Variants in ANKH observed in about 807,000 individuals in gnomAD.
ANKH encodes the protein mineralization regulator ANKH.
In ANKH, 15 loss-of-function variants were observed where a neutral mutation model predicts 49.0. That is an observed-to-expected ratio of 0.31 (90% confidence interval 0.20 to 0.47). The LOEUF is 0.47. Among genes scored for constraint, ANKH ranks in the 20% least tolerant of loss-of-function variants. The pLI is 1.00. For missense variants in ANKH, 429 were observed against 652.0 expected (o/e 0.66, Z 3.72); for synonymous variants, 273 against 260.0 (o/e 1.05, Z -0.48).
At chr5:14,848,775 C>T (rs1274795153) in intron 1 of ANKH, among the ~76,000 whole-genome samples, 2 of 152,362 alleles carry the variant, frequency 1.3e-5, no homozygotes, top group East Asian at 3.9e-4. Context: ...ATAACACTCA[C>T]CGCATGGCCC....
At position 14,737,480 on chromosome 5, in the gene ANKH, C is replaced by T. The variant is rs1738223347; in HGVS notation, c.1011+4347G>A. Reference sequence around the variant, plus strand: ...GGAGTGTCTACCTAGAGAAGCACAGCCTTTTAGGGCACACTCACTGTCACT... The same window carrying T: ...GGAGTGTCTACCTAGAGAAGCACAGTCTTTTAGGGCACACTCACTGTCACT... On this transcript the variant is annotated intron_variant, in intron 8 of 11. Transcript: ENST00000284268. This position sits in a 1 kb window ranked among gnomAD's most constrained non-coding sequence, Gnocchi z 5.0. Among the ~76,000 whole-genome samples the T allele has an allele frequency of 6.6e-6, 1 of 152,174 alleles. No individual in the cohort carries two copies. The highest frequency in any genetic ancestry group is 1.5e-5 in the Non-Finnish European group (1 of 68,024).
intron 6 of ANKH, 114 bp downstream of exon 6, chr5:14,749,058 T>A: frequency 6.9e-7 from 1 of 1,445,862 alleles, no homozygotes. Flanking sequence ...GACTGTCATG[T>A]AATTTAATAT....
Position 14,711,057 on chromosome 5 carries a change from C to G in ANKH, c.*140G>C. ...TACCCAGTATGCTAGAGAATTGACA[C>G]GAAACCTTTAAATCAAGGCCTCTTT... On this transcript the variant is annotated 3_prime_UTR_variant, in exon 12 of 12. Coordinates refer to ENST00000284268, the MANE Select transcript of ANKH (RefSeq NM_054027.6). 1 of 785,620 alleles carries G rather than the reference C, an allele frequency of 1.3e-6. No individual in the cohort carries two copies. The highest frequency in any genetic ancestry group is 1.4e-5 in the South Asian group (1 of 72,176). The allele number at this position is 785,620 out of a possible 1,614,324, so 48.7% of individuals were successfully genotyped here.
chr5:14,830,220 G>A (rs1741462313), intron 1 of ANKH, among the ~76,000 whole-genome samples: 1 of 152,206 alleles, frequency 6.6e-6, no homozygotes, highest in Non-Finnish European at 1.5e-5. Flanking sequence ...ATTTGAGGCT[G>A]CCTTTCAAAA....
chr5:14,816,798 C>T (rs893108005), intron 1 of ANKH, among the ~76,000 whole-genome samples: 4 of 152,080 alleles, frequency 2.6e-5, no homozygotes, highest in African/African-American at 7.2e-5. Context: ...CTGCAAGCCA[C>T]GAGCTTTGGC....
At chr5:14,726,698 T>A (rs1342416499) in intron 8 of ANKH, among the ~76,000 whole-genome samples, 11 of 152,094 alleles carry the variant, frequency 7.2e-5, no homozygotes, top group Admixed American at 7.2e-4. Context: ...CCAAATGGAA[T>A]GACATGGAAT....
chr5:14,754,839 G>A (rs1738828101), intron 4 of ANKH, among the ~76,000 whole-genome samples: 1 of 152,108 alleles, frequency 6.6e-6, no homozygotes, highest in African/African-American at 2.4e-5. Context: ...ACTTTGGGAG[G>A]CCGAGGTGGG....
At position 14,794,394 on chromosome 5, in the gene ANKH, G is replaced by A. The variant is rs532598332; in HGVS notation, c.97-25203C>T. 1.2e-4 allele frequency among the ~76,000 whole-genome samples: 18 copies of A among 152,376 alleles called. No homozygotes were observed. In the East Asian group the frequency reaches 3.3e-3, roughly 28 times the overall value. ...GCAGAGAGGGGCCCTGGCCGTGAAC[G>A]TGGGCTAAAGACAGCTCGGGGAGCA... On this transcript the variant is annotated intron_variant, in intron 1 of 11. Coordinates refer to ENST00000284268, the MANE Select transcript of ANKH (RefSeq NM_054027.6).
intron 1 of ANKH, chr5:14,797,689 G>A: frequency 3.1e-6 from 5 of 1,598,498 alleles, no homozygotes; most frequent in Non-Finnish European, 4.3e-6. Flanking sequence ...GACTCACAGA[G>A]TAGATGCCAG....
intron 1 of ANKH, chr5:14,870,595 C>G (rs1735784208): frequency 6.5e-6 from 1 of 152,842 alleles, no homozygotes; most frequent in Admixed American, 6.5e-5. Context: ...GGTGGCCCTG[C>G]CAAAACGGTC....
chr5:14,713,277 A>T lies in ANKH; in HGVS notation c.1265+267T>A, dbSNP rs920254401. On this transcript the variant is annotated intron_variant, in intron 10 of 11. Coordinates refer to ENST00000284268, the MANE Select transcript of ANKH (RefSeq NM_054027.6). The surrounding 1 kb of genome is among the most constrained non-coding windows in gnomAD (Gnocchi z 4.4). ...TTCTCTTCTGGTTTTCATGTCCAGC[A>T]TACGTTCAAGCCCGTGCAGGGCCGG... Among the ~76,000 whole-genome samples the T allele has an allele frequency of 6.6e-6, 1 of 152,132 alleles. No individual in the cohort carries two copies. Among genetic ancestry groups the T allele is most frequent in the Admixed American group, 6.5e-5 (1 of 15,286 alleles).
rs60884804 is a variant in ANKH, at chr5:14,793,034, A to AT, written c.97-23844_97-23843insA. Among the ~76,000 whole-genome samples the AT allele has an allele frequency of 1.2e-4, 9 of 75,018 alleles. No individual in the cohort carries two copies. The South Asian group carries it at 1.6e-3, about 13-fold the overall frequency. 49.2% of individuals were successfully genotyped at this position (75,018 alleles called of 152,430 possible). A position where few individuals can be genotyped will look rare whatever the true frequency, so the allele number is the denominator to read the frequency against. Reference sequence around the variant, plus strand: ...TATATATATATAAATATATATATATAAAAATATATATATAAATATATATAA... The same window carrying AT: ...TATATATATATAAATATATATATATATAAAATATATATATAAATATATATAA... On this transcript the variant is annotated intron_variant, in intron 1 of 11. Transcript: ENST00000284268.
chr5:14,774,657 CTGTT>C (rs1173263027), intron 1 of ANKH, among the ~76,000 whole-genome samples: 2 of 152,128 alleles, frequency 1.3e-5, no homozygotes, highest in African/African-American at 4.8e-5. Flanking sequence ...TTATCTGTCT[CTGTT>C]TGCTCACCCT....
chr5:14,850,046 G>A (rs374912462), intron 1 of ANKH, among the ~76,000 whole-genome samples: 1 of 152,142 alleles, frequency 6.6e-6, no homozygotes, highest in Admixed American at 6.5e-5. Flanking sequence ...CACATAAAAG[G>A]TATGTTTTTG....
chr5:14,848,773 C>T (rs1742041963), intron 1 of ANKH, among the ~76,000 whole-genome samples: 1 of 152,224 alleles, frequency 6.6e-6, no homozygotes, highest in Admixed American at 6.5e-5. Context: ...CTATAACACT[C>T]ACCGCATGGC....
At chr5:14,807,932 T>C (rs1016912265) in intron 1 of ANKH, among the ~76,000 whole-genome samples, 1 of 152,252 alleles carries the variant, frequency 6.6e-6, no homozygotes, top group Admixed American at 6.5e-5. Flanking sequence ...TTTAAGTCTT[T>C]CTTTCTTCAT....
At chr5:14,860,838 A>G (rs1190309634) in intron 1 of ANKH, among the ~76,000 whole-genome samples, 1 of 152,120 alleles carries the variant, frequency 6.6e-6, no homozygotes, top group Non-Finnish European at 1.5e-5. Context: ...GCTGGAGTGC[A>G]CTGGCATGAT....
At chr5:14,732,996 T>C (rs1220369088) in intron 8 of ANKH, among the ~76,000 whole-genome samples, 1 of 152,124 alleles carries the variant, frequency 6.6e-6, no homozygotes, top group East Asian at 1.9e-4. Context: ...ATCTCCAGTT[T>C]CAAAGGAGGG....
intron 7 of ANKH, among the ~76,000 whole-genome samples, chr5:14,744,287 G>A (rs1202420491): frequency 1.4e-5 from 2 of 142,022 alleles, no homozygotes; most frequent in Non-Finnish European, 2.9e-5. Context: ...ATTCCCAGTA[G>A]GTGGTGAGTC....
Sources: allele counts gnomAD v4.1 joint callset (sites outside exome capture counted in the v4.1 genomes callset), GRCh38; gene constraint gnomAD v4.1.1; non-coding constraint Gnocchi (gnomAD v3.1); transcripts MANE v1.5; gene names NCBI Gene and HGNC (gene_info 2026-07-23, HGNC 2026-07-21).